Variants in ABCF2 observed in about 807,000 individuals in gnomAD.
ABCF2 encodes ATP binding cassette subfamily F member 2.
A neutral mutation model predicts 76.9 loss-of-function variants in ABCF2; 37 were observed. The ratio of observed to expected loss-of-function variants is 0.48; its 90% confidence interval spans 0.37 to 0.63. The LOEUF is 0.63. Among genes scored for constraint, ABCF2 ranks in the 30% least tolerant of loss-of-function variants. ABCF2 has a pLI of 0.00. For missense variants in ABCF2, 524 were observed against 782.1 expected (o/e 0.67, Z 3.94); for synonymous variants, 299 against 283.7 (o/e 1.05, Z -0.54).
intron 10 of ABCF2, 146 bp from the exon 11 acceptor site, chr7:151,218,337 G>A (rs539710786): frequency 4.3e-5 from 30 of 697,366 alleles, no homozygotes; most frequent in South Asian, 2.4e-4. Flanking sequence ...ACCCCGCCTC[G>A]CCCACTGCCT....
At chr7:151,222,008 TG>T (rs1430099656) in intron 6 of ABCF2, 1 of 250,446 alleles carries the variant, frequency 4.0e-6, no homozygotes, top group Non-Finnish European at 7.7e-6. Context: ...AAACTGTGGG[TG>T]GGAAGAACTG....
At position 151,213,655 on chromosome 7, in the gene ABCF2, G is replaced by C. The variant is rs1802092421; in HGVS notation, c.*399C>G. On this transcript the variant is annotated 3_prime_UTR_variant, in exon 15 of 15. Transcript: ENST00000287844. ...AAGCAAAAAGGAATCGGGGCGGTGG[G>C]CTGGGGGGTACTCCTCCAACATCAC... is the stretch of plus-strand genomic sequence containing the variant. 9.9e-7 allele frequency: 1 copy of C among 1,009,130 alleles called. No homozygotes were observed. The highest frequency in any genetic ancestry group is 1.2e-6 in the Non-Finnish European group (1 of 846,936). The allele number at this position is 1,009,130 out of a possible 1,614,324, so 62.5% of individuals were successfully genotyped here.
intron 10 of ABCF2, 96 bp downstream of exon 10, chr7:151,218,465 T>C: frequency 1.8e-6 from 2 of 1,117,516 alleles, no homozygotes; most frequent in Non-Finnish European, 2.6e-6. Flanking sequence ...GCACGTGGGC[T>C]AGCAGGTGTG....
intron 5 of ABCF2, among the ~76,000 whole-genome samples, chr7:151,223,228 T>TG (rs1021668870): frequency 3.9e-5 from 6 of 152,042 alleles, no homozygotes; most frequent in Non-Finnish European, 7.4e-5. Context: ...TTAGTGACTC[T>TG]GGGGGGATTA....
In ABCF2 at chr7:151,213,792, C is replaced by T. The variant is rs1802095777; in HGVS notation, c.*262G>A. 1 of 1,282,164 alleles carries T rather than the reference C, an allele frequency of 7.8e-7. No homozygotes were observed. The highest frequency in any genetic ancestry group is 3.7e-5 in the East Asian group (1 of 27,120). The allele number at this position is 1,282,164 out of a possible 1,614,324, so 79.4% of individuals were successfully genotyped here. ...CTGCATCACACTCAGAGTAAGATAA[C>T]CAGCAAGGGGCTGGAGGGAACGGCC... is the stretch of plus-strand genomic sequence containing the variant. On this transcript the variant is annotated 3_prime_UTR_variant, in exon 15 of 15. Transcript: ENST00000287844.
rs769858557 is a variant in ABCF2 at position 151,214,752 on chromosome 7, G to A, written c.1734+127C>T. 1.2e-4 allele frequency: 100 copies of A among 859,376 alleles called. No homozygotes were observed. The highest frequency in any genetic ancestry group is 1.8e-4 in the Non-Finnish European group (96 of 547,174). 53.2% of individuals were successfully genotyped at this position (859,376 alleles called of 1,614,324 possible). ...GCATAAGAACTGGTCCTCACCACCTGTGTCTACACTCTGAGCCCCTTCTCT... is the reference window on the plus strand; with the variant it reads ...GCATAAGAACTGGTCCTCACCACCTATGTCTACACTCTGAGCCCCTTCTCT... On this transcript the variant is annotated intron_variant, in intron 14 of 14. Transcript: ENST00000287844. The surrounding 1 kb of genome is among the most constrained non-coding windows in gnomAD (Gnocchi z 4.9).
At position 151,222,509 on chromosome 7, in the gene ABCF2, C is replaced by T. The variant is rs771951283; in HGVS notation, c.818+12G>A. 3.1e-5 allele frequency: 50 copies of T among 1,610,922 alleles called. No homozygotes were observed. Among genetic ancestry groups the T allele is most frequent in the Non-Finnish European group, 3.7e-5 (44 of 1,177,470 alleles). ...GACCTGCCCGCTCACATCCCCCATTCCACCCTCTTACGTTTTTAGTTCTTC... is the reference window on the plus strand; with the variant it reads ...GACCTGCCCGCTCACATCCCCCATTTCACCCTCTTACGTTTTTAGTTCTTC... On this transcript the variant is annotated intron_variant, in intron 6 of 14. Coordinates refer to ENST00000287844, the MANE Select transcript of ABCF2 (RefSeq NM_007189.3).
chr7:151,218,304 G>T (rs889343354), intron 10 of ABCF2, 113 bp from the exon 11 acceptor site: 3 of 801,190 alleles, frequency 3.7e-6, no homozygotes, highest in Admixed American at 4.4e-5. Flanking sequence ...AGGGAGAGTA[G>T]CGGGAGGAAG....
intron 11 of ABCF2, among the ~76,000 whole-genome samples, chr7:151,217,592 A>C (rs959764405): frequency 2.6e-5 from 4 of 152,100 alleles, no homozygotes; most frequent in Admixed American, 2.6e-4. Context: ...TGAGGTCAGG[A>C]GTTCAAGACC....
rs1478401870 is a variant in ABCF2, at chr7:151,212,070, T to C, written c.*1984A>G. 3.1e-6 allele frequency: 3 copies of C among 958,012 alleles called. No individual in the cohort carries two copies. Among genetic ancestry groups the C allele is most frequent in the Admixed American group, 1.2e-4 (2 of 16,234 alleles). The allele number at this position is 958,012 out of a possible 1,614,324, so 59.3% of individuals were successfully genotyped here. A position where few individuals can be genotyped will look rare whatever the true frequency, so the allele number is the denominator to read the frequency against. ...ACAATTTAGCATCTAATTTGTGTCC[T>C]GTATGGTTCTGTCTTACTGGCTTTC... On this transcript the variant is annotated 3_prime_UTR_variant, in exon 15 of 15. Transcript: ENST00000287844.
rs1802066357 is a variant in ABCF2 at position 151,212,487 on chromosome 7, T to C, written c.*1567A>G. 1.0e-6 allele frequency: 1 copy of C among 985,358 alleles called. No individual in the cohort carries two copies. Among genetic ancestry groups the C allele is most frequent in the South Asian group, 4.7e-5 (1 of 21,292 alleles). The allele number at this position is 985,358 out of a possible 1,614,324, so 61.0% of individuals were successfully genotyped here. On this transcript the variant is annotated 3_prime_UTR_variant, in exon 15 of 15. Coordinates refer to ENST00000287844, the MANE Select transcript of ABCF2 (RefSeq NM_007189.3). ...AAATGCGATTAATCAATAGGTCTGATGCTCAGCAATCTGAATTTTTTTATT... is the reference window on the plus strand; with the variant it reads ...AAATGCGATTAATCAATAGGTCTGACGCTCAGCAATCTGAATTTTTTTATT...
intron 7 of ABCF2, 115 bp from the exon 8 acceptor site, chr7:151,219,274 G>A: frequency 1.2e-6 from 1 of 850,150 alleles, no homozygotes; most frequent in Non-Finnish European, 2.0e-6. Context: ...TGGCTCTAAG[G>A]CTGTGCAGTA....
In ABCF2 at chr7:151,213,601, G is replaced by A. The variant is rs764496570; in HGVS notation, c.*453C>T. ...TAATTATTTAAAAACTGACCAGGACGAAGGTCCTGGTCCGGAGCTCCAAAC... is the reference window on the plus strand; with the variant it reads ...TAATTATTTAAAAACTGACCAGGACAAAGGTCCTGGTCCGGAGCTCCAAAC... On this transcript the variant is annotated 3_prime_UTR_variant, in exon 15 of 15. Coordinates refer to ENST00000287844, the MANE Select transcript of ABCF2 (RefSeq NM_007189.3). 34 of 991,318 alleles carry A rather than the reference G, an allele frequency of 3.4e-5. No individual in the cohort carries two copies. Among genetic ancestry groups the A allele is most frequent in the South Asian group, 9.3e-5 (2 of 21,612 alleles). 61.4% of individuals were successfully genotyped at this position (991,318 alleles called of 1,614,324 possible).
chr7:151,215,927 A>G lies in ABCF2; in HGVS notation c.1401+40T>C, dbSNP rs780480688. On this transcript the variant is annotated intron_variant, in intron 12 of 14. Coordinates refer to ENST00000287844, the MANE Select transcript of ABCF2 (RefSeq NM_007189.3). This position sits in a 1 kb window ranked among gnomAD's most constrained non-coding sequence, Gnocchi z 4.6. Reference sequence around the variant, plus strand: ...TCAGCCAGATACAGCCCCTCCCTATACCCTGGGCAATTCCCCGGATCCCAA... The same window carrying G: ...TCAGCCAGATACAGCCCCTCCCTATGCCCTGGGCAATTCCCCGGATCCCAA... 25 of 1,607,908 alleles carry G rather than the reference A, an allele frequency of 1.6e-5. No homozygotes were observed. The Admixed American group carries it at 2.3e-4, about 15-fold the overall frequency.
intron 11 of ABCF2, among the ~76,000 whole-genome samples, chr7:151,217,799 AAAAAAG>A (rs1187090987): frequency 6.6e-6 from 1 of 152,096 alleles, no homozygotes; most frequent in African/African-American, 2.4e-5. Context: ...CTCAAAAAAA[AAAAAAG>A]AAAATAGAAA....
At chr7:151,221,773 A>G in intron 6 of ABCF2, 93 bp from the exon 7 acceptor site, 1 of 896,134 alleles carries the variant, frequency 1.1e-6, no homozygotes, top group Non-Finnish European at 1.8e-6. Flanking sequence ...CTCATCCCTA[A>G]GCACCTTTTA....
Position 151,213,658 on chromosome 7 carries a change from G to A in ABCF2, c.*396C>T, listed in dbSNP as rs66608097. The stretch of plus-strand genomic sequence containing the variant: ...CAAAAAGGAATCGGGGCGGTGGGCT[G>A]GGGGGTACTCCTCCAACATCACCAA... On this transcript the variant is annotated 3_prime_UTR_variant, in exon 15 of 15. Coordinates refer to ENST00000287844, the MANE Select transcript of ABCF2 (RefSeq NM_007189.3). 2.0e-6 allele frequency: 2 copies of A among 1,010,588 alleles called. No homozygotes were observed. The highest frequency in any genetic ancestry group is 1.0e-4 in the East Asian group (1 of 9,548). 62.6% of individuals were successfully genotyped at this position (1,010,588 alleles called of 1,614,324 possible).
chr7:151,222,910 G>A (rs1004944466), intron 5 of ABCF2, among the ~76,000 whole-genome samples: 4 of 151,996 alleles, frequency 2.6e-5, no homozygotes, highest in African/African-American at 4.8e-5. Context: ...TGGAGACTAC[G>A]GAGAAGACAA....
Position 151,221,692 on chromosome 7 carries a change from A to G in ABCF2, c.819-12T>C, listed in dbSNP as rs2150575255. ...AGATGCGCTTAAAACTGTAAAGCCAAAGAACCAATTAGTGAAGAGCTCAAC... is the reference window on the plus strand; with the variant it reads ...AGATGCGCTTAAAACTGTAAAGCCAGAGAACCAATTAGTGAAGAGCTCAAC... On this transcript the variant is annotated splice_polypyrimidine_tract_variant and intron_variant, in intron 6 of 14. Transcript: ENST00000287844. 1 of 1,582,186 alleles carries G rather than the reference A, an allele frequency of 6.3e-7. No homozygotes were observed. Among genetic ancestry groups the G allele is most frequent in the South Asian group, 1.1e-5 (1 of 90,436 alleles).
Sources: allele counts gnomAD v4.1 joint callset (sites outside exome capture counted in the v4.1 genomes callset), GRCh38; gene constraint gnomAD v4.1.1; non-coding constraint Gnocchi (gnomAD v3.1); transcripts MANE v1.5; gene names NCBI Gene and HGNC (gene_info 2026-07-23, HGNC 2026-07-21).